Variants in NOSTRIN observed in about 807,000 individuals in gnomAD.
NOSTRIN encodes nitric oxide synthase trafficking, also known as BM247 homolog.
NOSTRIN carries 63 observed loss-of-function variants against 59.0 expected under a neutral mutation model. The observed-to-expected ratio is 1.07, with a 90% CI of 0.87 to 1.32. The LOEUF (loss-of-function observed/expected upper bound fraction) is 1.32. Among genes scored for constraint, NOSTRIN ranks in the 40% most tolerant of loss-of-function variants. The pLI is 0.00. For missense variants in NOSTRIN, 512 were observed against 473.1 expected (o/e 1.08, Z -0.76); for synonymous variants, 200 against 165.4 (o/e 1.21, Z -1.61).
intron 11 of NOSTRIN, 158 bp downstream of exon 11, chr2:168,855,618 A>AAG (rs1689034371): frequency 3.8e-6 from 1 of 260,718 alleles, no homozygotes; most frequent in Non-Finnish European, 7.0e-6. Context: ...AAAAAAAAAA[A>AAG]GTAGAAGAAA....
At chr2:168,828,642 A>G in intron 5 of NOSTRIN, 141 bp downstream of exon 5, 1 of 390,414 alleles carries the variant, frequency 2.6e-6, no homozygotes, top group Non-Finnish European at 4.6e-6. Context: ...TATTTATTTT[A>G]AAATAAATGA....
At chr2:168,858,791 G>A (rs531539604) in intron 12 of NOSTRIN, among the ~76,000 whole-genome samples, 63 of 152,292 alleles carry the variant, frequency 4.1e-4, no homozygotes, top group African/African-American at 1.5e-3. Context: ...CTGGAGGTGT[G>A]GGGGAGAGAG....
intron 2 of NOSTRIN, among the ~76,000 whole-genome samples, chr2:168,820,323 T>C (rs1183156286): frequency 1.3e-5 from 2 of 152,172 alleles, no homozygotes; most frequent in African/African-American, 4.8e-5. Flanking sequence ...ACCTGCCTCA[T>C]GGGTTATCAG....
At position 168,831,551 on chromosome 2, in the gene NOSTRIN, A is replaced by G. The variant is rs776107698; in HGVS notation, c.405+17A>G. ...CAAATTAAGGCAAGTATCCACAAAT[A>G]CCATTTGTGTAAACTCAGTTTTTAG... On this transcript the variant is annotated intron_variant, in intron 6 of 15. Transcript: ENST00000317647. The G allele has an allele frequency of 1.3e-5, 11 of 853,232 alleles. No individual in the cohort carries two copies. The highest frequency in any genetic ancestry group is 2.7e-5 in the South Asian group (2 of 75,080). 52.9% of individuals were successfully genotyped at this position (853,232 alleles called of 1,614,324 possible). A position where few individuals can be genotyped will look rare whatever the true frequency, so the allele number is the denominator to read the frequency against.
upstream of NOSTRIN, among the ~76,000 whole-genome samples, chr2:168,796,138 G>A (rs1321530232): frequency 1.3e-5 from 2 of 152,208 alleles, no homozygotes; most frequent in East Asian, 3.9e-4. Flanking sequence ...TGGAAGTGAT[G>A]TCATGTATGG....
intron 11 of NOSTRIN, chr2:168,856,489 T>C: frequency 1.8e-6 from 1 of 556,030 alleles, no homozygotes; most frequent in Non-Finnish European, 3.2e-6. Flanking sequence ...GGAGGAGAAT[T>C]GTTTGAACTT....
intron 12 of NOSTRIN, among the ~76,000 whole-genome samples, chr2:168,858,775 C>T (rs1288932657): frequency 1.3e-5 from 2 of 152,126 alleles, no homozygotes; most frequent in African/African-American, 4.8e-5. Context: ...GTTGGGAATT[C>T]CCATGCTGGA....
chr2:168,806,578 G>T (rs560711960), intron 1 of NOSTRIN, among the ~76,000 whole-genome samples: 104 of 152,250 alleles, frequency 6.8e-4, no homozygotes, highest in African/African-American at 2.2e-3. Flanking sequence ...TTGAGAAGGG[G>T]TTATTATTTT....
At chr2:168,844,403 A>AT (rs1553531187) in intron 8 of NOSTRIN, among the ~76,000 whole-genome samples, 1 of 151,700 alleles carries the variant, frequency 6.6e-6, no homozygotes, top group African/African-American at 2.4e-5. Context: ...TAAAAAAAAA[A>AT]TGTTTAAAGC....
intron 13 of NOSTRIN, among the ~76,000 whole-genome samples, chr2:168,860,137 C>T (rs1246862748): frequency 4.6e-5 from 7 of 152,018 alleles, no homozygotes; most frequent in East Asian, 3.8e-4. Context: ...CTCAAGAGCT[C>T]GAAAACAATC....
upstream of NOSTRIN, among the ~76,000 whole-genome samples, chr2:168,800,751 G>A (rs1239239633): frequency 6.6e-6 from 1 of 151,988 alleles, no homozygotes; most frequent in Non-Finnish European, 1.5e-5. Context: ...AGAAAAATGG[G>A]GCAGGAATCA....
intron 8 of NOSTRIN, among the ~76,000 whole-genome samples, chr2:168,847,334 C>T (rs960190747): frequency 2.6e-5 from 4 of 152,076 alleles, no homozygotes; most frequent in African/African-American, 4.8e-5. Flanking sequence ...GCCTCTGTGG[C>T]CCTAGGACAA....
chr2:168,844,853 G>A (rs1024962889), intron 8 of NOSTRIN, among the ~76,000 whole-genome samples: 1 of 147,638 alleles, frequency 6.8e-6, no homozygotes, highest in African/African-American at 2.5e-5. Flanking sequence ...CTAGGCGACA[G>A]AGCAAGACTC....
intron 7 of NOSTRIN, among the ~76,000 whole-genome samples, chr2:168,838,460 G>A (rs980737551): frequency 9.2e-5 from 14 of 152,072 alleles, no homozygotes; most frequent in Non-Finnish European, 1.3e-4. Context: ...GGCTGGTCTC[G>A]AACTCCAAAC....
intron 10 of NOSTRIN, among the ~76,000 whole-genome samples, chr2:168,854,282 T>G (rs1042607660): frequency 1.5e-4 from 23 of 152,204 alleles, no homozygotes; most frequent in African/African-American, 5.3e-4. Flanking sequence ...TCACACTTCT[T>G]GTTTGTGAAG....
chr2:168,854,230 T>A (rs933595053), intron 10 of NOSTRIN, among the ~76,000 whole-genome samples: 3 of 152,238 alleles, frequency 2.0e-5, no homozygotes, highest in African/African-American at 7.2e-5. Flanking sequence ...TATTTTTATC[T>A]GTATATGTTT....
At chr2:168,788,275 C>T (rs1049896811) in intron 2 of NOSTRIN, among the ~76,000 whole-genome samples, 4 of 151,118 alleles carry the variant, frequency 2.6e-5, no homozygotes, top group African/African-American at 9.7e-5. Flanking sequence ...ATATTGATGA[C>T]TTTTTCTTCT....
chr2:168,841,692 G>A (rs576324945), intron 7 of NOSTRIN, among the ~76,000 whole-genome samples: 1 of 152,110 alleles, frequency 6.6e-6, no homozygotes, highest in Non-Finnish European at 1.5e-5. Context: ...CAGGGCCAAG[G>A]GAAATCTTCC....
intron 7 of NOSTRIN, among the ~76,000 whole-genome samples, chr2:168,838,484 C>G (rs560221797): frequency 2.3e-4 from 35 of 152,358 alleles, no homozygotes; most frequent in Admixed American, 5.2e-4. Flanking sequence ...AAGTGATCCG[C>G]CCGCCTTGGC....
Sources: allele counts gnomAD v4.1 joint callset (sites outside exome capture counted in the v4.1 genomes callset), GRCh38; gene constraint gnomAD v4.1.1; transcripts MANE v1.5; gene names NCBI Gene and HGNC (gene_info 2026-07-23, HGNC 2026-07-21).